The following FOCAD variants were observed in gnomAD, a reference collection of about 807,000 sequenced individuals.
The protein encoded by FOCAD is focadhesin, also known as KIAA1797.
FOCAD carries 198 observed loss-of-function variants against 225.6 expected under a neutral mutation model. That is an observed-to-expected ratio of 0.88 (90% confidence interval 0.78 to 0.99). The LOEUF is 0.99. Ranked by LOEUF, FOCAD falls within the 50% of genes least tolerant of loss-of-function variation. FOCAD has a pLI of 0.00. For synonymous variants in FOCAD, 897 were observed against 755.0 expected (o/e 1.19, Z -3.08); for missense variants, 2,713 against 2,123.6 (o/e 1.28, Z -5.46).
At chr9:20,857,381 G>T (rs894283193) in intron 15 of FOCAD, among the ~76,000 whole-genome samples, 2 of 150,852 alleles carry the variant, frequency 1.3e-5, no homozygotes, top group African/African-American at 2.4e-5. Context: ...TCCTTTCTTG[G>T]TTTCTTTTTC....
At chr9:20,995,285 A>ACATCAC (rs1841972343) in intron 43 of FOCAD, among the ~76,000 whole-genome samples, 1 of 152,068 alleles carries the variant, frequency 6.6e-6, no homozygotes, top group Non-Finnish European at 1.5e-5. Flanking sequence ...AAGGAAAAAA[A>ACATCAC]CATCACCAGC....
At chr9:20,956,762 C>G (rs1016205145) in intron 35 of FOCAD, among the ~76,000 whole-genome samples, 36 of 152,058 alleles carry the variant, frequency 2.4e-4, no homozygotes, top group Admixed American at 2.4e-3. Flanking sequence ...GGAAAAATGT[C>G]ACCAATTATC....
intron 10 of FOCAD, among the ~76,000 whole-genome samples, chr9:20,788,993 T>C (rs1330911240): frequency 1.3e-5 from 2 of 152,208 alleles, no homozygotes; most frequent in African/African-American, 4.8e-5. Context: ...GTATTTTTTT[T>C]TTTTAATCTT....
intron 21 of FOCAD, among the ~76,000 whole-genome samples, chr9:20,886,327 A>G (rs951384403): frequency 2.0e-5 from 3 of 152,146 alleles, no homozygotes; most frequent in Non-Finnish European, 4.4e-5. Context: ...GGTGATTTCT[A>G]TGTTTTTTTT....
chr9:20,979,369 C>T (rs1019916697), intron 37 of FOCAD, among the ~76,000 whole-genome samples: 3 of 152,144 alleles, frequency 2.0e-5, no homozygotes, highest in Non-Finnish European at 2.9e-5. Context: ...GACAGTTTCT[C>T]GCTCCATAGC....
intron 15 of FOCAD, among the ~76,000 whole-genome samples, chr9:20,838,834 A>C (rs1228223227): frequency 1.3e-5 from 2 of 152,158 alleles, no homozygotes; most frequent in African/African-American, 4.8e-5. Context: ...AAAGTGATTT[A>C]TGTATAAGCC....
rs754071615 is a variant in FOCAD, at chr9:20,986,401, G to A, written c.4842G>A (p.Glu1614=). The A allele has an allele frequency of 6.2e-7, 1 of 1,612,970 alleles. No homozygotes were observed. Among genetic ancestry groups the A allele is most frequent in the South Asian group, 1.1e-5 (1 of 91,042 alleles). Residue 1614 remains glutamate (E), a synonymous_variant, in exon 40 of 44, where the codon GAG becomes GAA. Transcript: ENST00000338382. ...TTGCTGTGCAGCACCGTGAGAAAGA[G>A]GTGTTGGCCTGGATGATTCTGCACA... ...LSVAVQHREK[E]VLAWMILHSL...
intron 35 of FOCAD, among the ~76,000 whole-genome samples, chr9:20,958,208 A>G (rs1043533917): frequency 1.3e-5 from 2 of 152,194 alleles, no homozygotes; most frequent in Non-Finnish European, 2.9e-5. Context: ...TATAAAGAAT[A>G]AATTCCTTCT....
rs7023846 is a variant in FOCAD, at chr9:20,790,570, G to A, written c.1455+962G>A. On this transcript the variant is annotated intron_variant, in intron 11 of 43. Transcript: ENST00000338382. ...GCAGATCACTTGAGGTCAAGAGTTC[G>A]AGACCAGCCTGGCCAACATGGCGAA... Among the ~76,000 whole-genome samples the A allele has an allele frequency of 7.0e-3, 1,068 of 152,214 alleles. 11 individuals are homozygous for A. The highest frequency in any genetic ancestry group is 0.024 in the African/African-American group (989 of 41,534).
chr9:20,746,428 A>C (rs536147589), intron 5 of FOCAD, among the ~76,000 whole-genome samples: 19 of 152,294 alleles, frequency 1.2e-4, no homozygotes, highest in Non-Finnish European at 1.0e-4. Flanking sequence ...ACCGGGTTTT[A>C]CTTAAAGAGC....
chr9:20,807,867 C>G (rs1486368681), intron 11 of FOCAD, among the ~76,000 whole-genome samples: 2 of 152,038 alleles, frequency 1.3e-5, no homozygotes, highest in African/African-American at 4.8e-5. Context: ...CTGGCCGACA[C>G]AGTGAAACCC....
At chr9:20,965,759 A>G (rs961240901) in intron 35 of FOCAD, among the ~76,000 whole-genome samples, 1 of 152,078 alleles carries the variant, frequency 6.6e-6, no homozygotes, top group African/African-American at 2.4e-5. Flanking sequence ...CTTTCCTTTA[A>G]ATGTCATTTA....
At chr9:20,982,785 C>G (rs1198240913) in intron 39 of FOCAD, among the ~76,000 whole-genome samples, 1 of 152,190 alleles carries the variant, frequency 6.6e-6, no homozygotes, top group Non-Finnish European at 1.5e-5. Flanking sequence ...ATTTCCCACA[C>G]CCATGCCCAA....
rs367712257 is a variant in FOCAD, at chr9:20,818,977, T to C, written c.1456-819T>C. Among the ~76,000 whole-genome samples, 8 of 152,270 alleles carry C rather than the reference T, an allele frequency of 5.3e-5. 1 individual carries two copies. The highest frequency in any genetic ancestry group is 1.9e-4 in the African/African-American group (8 of 41,572). ...TTGGGAAATAATGATGTCTTAACAATGTTATGTCTTCTAATCCATGAATGT... is the reference window on the plus strand; with the variant it reads ...TTGGGAAATAATGATGTCTTAACAACGTTATGTCTTCTAATCCATGAATGT... On this transcript the variant is annotated intron_variant, in intron 11 of 43. Coordinates refer to ENST00000338382, the MANE Select transcript of FOCAD (RefSeq NM_001375567.1).
chr9:20,946,699 A>T lies in FOCAD; in HGVS notation c.3556-2A>T. ...TATTTTTCTGCTGTATTTTCTTCTC[A>T]GGTCCTTGCCTACACACTTAGCTGT... On this transcript the variant is annotated splice_acceptor_variant, in intron 29 of 43. Coordinates refer to ENST00000338382, the MANE Select transcript of FOCAD (RefSeq NM_001375567.1). LOFTEE classifies it high-confidence loss of function. 1.2e-6 allele frequency: 2 copies of T among 1,606,766 alleles called. No individual in the cohort carries two copies. Among genetic ancestry groups the T allele is most frequent in the Non-Finnish European group, 1.7e-6 (2 of 1,177,374 alleles).
intron 41 of FOCAD, among the ~76,000 whole-genome samples, chr9:20,989,607 T>C (rs1207305745): frequency 1.3e-5 from 2 of 152,106 alleles, no homozygotes; most frequent in Non-Finnish European, 2.9e-5. Context: ...TTTCTTGTGC[T>C]CAAGAGTTCA....
At chr9:20,805,219 A>G (rs764132661) in intron 11 of FOCAD, among the ~76,000 whole-genome samples, 2 of 152,202 alleles carry the variant, frequency 1.3e-5, no homozygotes, top group Admixed American at 6.5e-5. Context: ...AGGTGAATAT[A>G]TATTTTTAGT....
intron 33 of FOCAD, among the ~76,000 whole-genome samples, chr9:20,949,946 G>T (rs1837538335): frequency 6.6e-6 from 1 of 152,046 alleles, no homozygotes; most frequent in Admixed American, 6.6e-5. Flanking sequence ...ATTCTGCGAG[G>T]AATGTCAGGC....
intron 15 of FOCAD, among the ~76,000 whole-genome samples, chr9:20,855,840 C>T (rs1300298799): frequency 7.2e-6 from 1 of 138,982 alleles, no homozygotes. Flanking sequence ...GAACATGAAA[C>T]ATTTGTCTTT....
Sources: gnomAD v4.1 joint callset for allele counts (sites outside exome capture counted in the v4.1 genomes callset) on GRCh38, gnomAD v4.1.1 for gene constraint, MANE v1.5 for transcripts, NCBI Gene and HGNC (gene_info 2026-07-23, HGNC 2026-07-21) for gene names.